Variants in SHLD3 observed in about 807,000 individuals in gnomAD.
SHLD3 encodes the protein shieldin complex subunit 3.
SHLD3 carries 15 observed loss-of-function variants against 21.4 expected under a neutral mutation model. The observed-to-expected ratio is 0.70, with a 90% CI of 0.47 to 1.08. The LOEUF is 1.08. SHLD3 is among the 50% of genes least tolerant of loss of function. SHLD3 has a pLI of 0.00. For synonymous variants in SHLD3, 103 were observed against 97.2 expected (o/e 1.06, Z -0.35); for missense variants, 273 against 286.1 (o/e 0.95, Z 0.33).
chr5:65,628,089 G>C (rs1489621106), intron 1 of SHLD3, among the ~76,000 whole-genome samples: 1 of 152,110 alleles, frequency 6.6e-6, no homozygotes, highest in Non-Finnish European at 1.5e-5. Flanking sequence ...ACAGCTTTGG[G>C]CCTGATTAGC....
intron 1 of SHLD3, 56 bp from the exon 2 acceptor site, chr5:65,629,412 G>T: frequency 7.9e-7 from 1 of 1,266,186 alleles, no homozygotes; most frequent in South Asian, 2.8e-5. Flanking sequence ...CTCCCTGCCT[G>T]TTGGTAGGCA....
At chr5:65,627,625 CA>C (rs77913020) in intron 1 of SHLD3, among the ~76,000 whole-genome samples, 13,784 of 120,184 alleles carry the variant, frequency 0.11, 627 homozygotes, top group African/African-American at 0.16. Context: ...GACTCTGTCT[CA>C]AAAAAAAAAA....
Position 65,630,083 on chromosome 5 carries a change from A to G in SHLD3, c.496A>G (p.Arg166Gly), listed in dbSNP as rs2150661442. ...GGCACTAAATTTACACTCACTTTAT[A>G]GAGCAAGATGGACAATAGAACACAC... is the stretch of plus-strand genomic sequence containing the variant. ...LKALNLHSLY[R>G]ARWTIEHTIC... The change falls in exon 2 of 2, where the codon AGA becomes GGA. Residue 166 changes from arginine (R) to glycine (G), a missense_variant. Physicochemically the swap from Arg to Gly is moderately radical, Grantham distance 125 (BLOSUM62 -2). Transcript: ENST00000510585. The G allele has an allele frequency of 6.5e-7, 1 of 1,536,114 alleles. No individual in the cohort carries two copies. Among genetic ancestry groups the G allele is most frequent in the Non-Finnish European group, 8.7e-7 (1 of 1,146,892 alleles).
Position 65,629,963 on chromosome 5 carries a change from C to T in SHLD3, c.376C>T (p.Gln126Ter). ...NLGKQSEKGK[Q>*]HKRRSWSISL... ...GGGTAAACAATCAGAAAAGGGAAAA[C>T]AGCACAAGAGGAGATCTTGGAGTAT... Residue 126 changes from glutamine (Q) to a stop codon, truncating the protein, a stop_gained, in exon 2 of 2, where the codon CAG becomes TAG. Transcript: ENST00000510585. LOFTEE classifies it high-confidence loss of function. The T allele has an allele frequency of 1.3e-6, 2 of 1,536,056 alleles. No homozygotes were observed. Among genetic ancestry groups the T allele is most frequent in the South Asian group, 2.4e-5 (2 of 84,062 alleles).
Position 65,630,820 on chromosome 5 carries a change from G to A in SHLD3, c.*480G>A, listed in dbSNP as rs1236446527. On this transcript the variant is annotated 3_prime_UTR_variant, in exon 2 of 2. Transcript: ENST00000510585. ...AATTGATAGGCTGTTTTCAAACAACGATACAAAATGTATACTTTGCCTAAA... is the reference window on the plus strand; with the variant it reads ...AATTGATAGGCTGTTTTCAAACAACAATACAAAATGTATACTTTGCCTAAA... 2.1e-5 allele frequency: 7 copies of A among 335,976 alleles called. No homozygotes were observed. Among genetic ancestry groups the A allele is most frequent in the Admixed American group, 6.4e-5 (1 of 15,622 alleles). 20.8% of individuals were successfully genotyped at this position (335,976 alleles called of 1,614,324 possible). A position where few individuals can be genotyped will look rare whatever the true frequency, so the allele number is the denominator to read the frequency against.
intron 1 of SHLD3, among the ~76,000 whole-genome samples, chr5:65,626,596 C>T (rs1755244017): frequency 6.6e-6 from 1 of 152,060 alleles, no homozygotes; most frequent in Non-Finnish European, 1.5e-5. Flanking sequence ...GTTAGCCAGG[C>T]GTGGTGGCGG....
At chr5:65,625,281 G>A (rs1172648907) in intron 1 of SHLD3, 175 bp downstream of exon 1, 6 of 614,034 alleles carry the variant, frequency 9.8e-6, no homozygotes, top group Non-Finnish European at 1.5e-5. Flanking sequence ...TAGGTTTATG[G>A]GCCCCTTTCT....
At chr5:65,625,240 C>T in intron 1 of SHLD3, 134 bp downstream of exon 1, 1 of 751,024 alleles carries the variant, frequency 1.3e-6, no homozygotes, top group Non-Finnish European at 2.3e-6. Context: ...TGCCGCCAAG[C>T]GGGAGGAAGC....
intron 1 of SHLD3, 95 bp from the exon 2 acceptor site, chr5:65,629,373 A>T: frequency 1.1e-6 from 1 of 887,312 alleles, no homozygotes; most frequent in Non-Finnish European, 1.5e-6. Context: ...CCACATTGGG[A>T]TTGGTTTTTG....
At position 65,629,769 on chromosome 5, in the gene SHLD3, C is replaced by G; in HGVS notation, c.182C>G (p.Ser61Cys). 6.5e-7 allele frequency: 1 copy of G among 1,536,090 alleles called. No homozygotes were observed. Among genetic ancestry groups the G allele is most frequent in the Non-Finnish European group, 8.7e-7 (1 of 1,146,888 alleles). The change falls in exon 2 of 2, where the codon TCT (serine) becomes TGT (cysteine). Residue 61 changes from serine to cysteine, a missense_variant. Transcript: ENST00000510585. ...CCTAAAAGATCACCACCTGTGATTT[C>G]TGAAGAGGCAGCTGAAGATGTGAAA... is the stretch of plus-strand genomic sequence containing the variant. ...LRPKRSPPVI[S>C]EEAAEDVKQY...
chr5:65,628,726 C>T (rs1365348742), intron 1 of SHLD3, among the ~76,000 whole-genome samples: 2 of 151,890 alleles, frequency 1.3e-5, no homozygotes, highest in Non-Finnish European at 2.9e-5. Flanking sequence ...CGCCTTGGCC[C>T]CCATAAAGTT....
In SHLD3 at chr5:65,630,166, G is replaced by A; in HGVS notation, c.579G>A (p.Arg193=). Residue 193 remains arginine (R), a synonymous_variant, in exon 2 of 2, where the codon AGG becomes AGA. Coordinates refer to ENST00000510585, the MANE Select transcript of SHLD3 (RefSeq NM_001365341.2). ...GGACAAAACTCAATCAAATTATTAG[G>A]CACAATGAACTTCCATCTTGTAATG... The part of the protein sequence containing the change: ...DIWTKLNQII[R]HNELPSCNAT... 6.5e-7 allele frequency: 1 copy of A among 1,535,978 alleles called. No individual in the cohort carries two copies. The highest frequency in any genetic ancestry group is 8.7e-7 in the Non-Finnish European group (1 of 1,146,840).
chr5:65,627,462 T>C (rs572558224), intron 1 of SHLD3, among the ~76,000 whole-genome samples: 112 of 152,126 alleles, frequency 7.4e-4, no homozygotes, highest in Middle Eastern at 3.4e-3. Flanking sequence ...AAACCCCGTC[T>C]CTACTGAAAA....
intron 1 of SHLD3, among the ~76,000 whole-genome samples, chr5:65,627,128 T>G: frequency 4.7e-5 from 1 of 21,280 alleles, no homozygotes; most frequent in South Asian, 1.4e-3. Context: ...TGAGACCCTG[T>G]CTCAAAAAAA....
chr5:65,625,797 T>G (rs1449452513), intron 1 of SHLD3: 1 of 152,256 alleles, frequency 6.6e-6, no homozygotes, highest in Non-Finnish European at 1.5e-5. Context: ...TTATTTGTTT[T>G]TTACTACAAC....
intron 1 of SHLD3, chr5:65,626,210 T>G (rs1755220833): frequency 6.6e-6 from 1 of 152,208 alleles, no homozygotes; most frequent in Admixed American, 6.5e-5. Flanking sequence ...ACTTCAAGTA[T>G]GTGGAGTAAA....
At position 65,630,139 on chromosome 5, in the gene SHLD3, T is replaced by C; in HGVS notation, c.552T>C (p.Ile184=). 7 of 1,536,024 alleles carry C rather than the reference T, an allele frequency of 4.6e-6. No individual in the cohort carries two copies. Among genetic ancestry groups the C allele is most frequent in the Non-Finnish European group, 6.1e-6 (7 of 1,146,858 alleles). The change falls in exon 2 of 2, where the codon ATT becomes ATC. Residue 184 remains isoleucine (I), a synonymous_variant. Transcript: ENST00000510585. The part of the protein sequence containing the change: ...TICNSQTLED[I]WTKLNQIIRH... The stretch of plus-strand genomic sequence containing the variant: ...GTAACAGCCAAACTCTGGAAGACAT[T>C]TGGACAAAACTCAATCAAATTATTA...
In SHLD3 at chr5:65,629,940, G is replaced by A; in HGVS notation, c.353G>A (p.Gly118Asp). 1.3e-6 allele frequency: 2 copies of A among 1,536,026 alleles called. No individual in the cohort carries two copies. The highest frequency in any genetic ancestry group is 1.7e-6 in the Non-Finnish European group (2 of 1,146,872). ...GAACAGACTAATTCTGGAAATCTGG[G>A]TAAACAATCAGAAAAGGGAAAACAG... is the stretch of plus-strand genomic sequence containing the variant. ...LKEQTNSGNL[G>D]KQSEKGKQHK... The change falls in exon 2 of 2, where the codon GGT (glycine) becomes GAT (aspartate). Residue 118 changes from glycine to aspartate, a missense_variant. Transcript: ENST00000510585.
rs1031038287 is a variant in SHLD3, at chr5:65,625,084, G to C, written c.-143G>C. 1 of 1,613,718 alleles carries C rather than the reference G, an allele frequency of 6.2e-7. No individual in the cohort carries two copies. Among genetic ancestry groups the C allele is most frequent in the Non-Finnish European group, 8.5e-7 (1 of 1,179,776 alleles). ...AAATGGAAGTGAATCCCCCTAAACA[G>C]GAGCACCTGCTGGCGCTAAAAGGTA... is the stretch of plus-strand genomic sequence containing the variant. On this transcript the variant is annotated 5_prime_UTR_variant, in exon 1 of 2. Coordinates refer to ENST00000510585, the MANE Select transcript of SHLD3 (RefSeq NM_001365341.2).
Sources: allele counts gnomAD v4.1 joint callset (sites outside exome capture counted in the v4.1 genomes callset), GRCh38; gene constraint gnomAD v4.1.1; transcripts MANE v1.5; gene names NCBI Gene and HGNC (gene_info 2026-07-23, HGNC 2026-07-21).